The following DMD variants were observed in gnomAD, a reference collection of about 807,000 sequenced individuals.
The protein encoded by DMD is dystrophin.
Under a neutral mutation model 330.1 loss-of-function variants are expected in DMD, and 63 were observed. The ratio of observed to expected loss-of-function variants is 0.19; its 90% CI spans 0.16 to 0.24. DMD has a LOEUF of 0.24. Among genes scored for constraint, DMD ranks in the 10% least tolerant of loss-of-function variants. The probability of loss-of-function intolerance (pLI) is 1.00; values close to 1 mark genes in which losing one functional copy is unlikely to be tolerated. For synonymous variants in DMD, 1,223 were observed against 959.8 expected, an observed-to-expected ratio of 1.27 and a Z score of -5.07; for missense variants, 3,344 against 2,684.1, an observed-to-expected ratio of 1.25 and a Z score of -5.43.
chrX:32,415,767 A>C (rs2098163903), intron 29 of DMD, among the ~76,000 whole-genome samples: 1 of 112,558 alleles, frequency 8.9e-6, no homozygotes, highest in African/African-American at 3.2e-5. Context: ...AATGACAAAA[A>C]TATAAAAATA....
chrX:32,560,274 A>T (rs1251708883), intron 16 of DMD, among the ~76,000 whole-genome samples: 1 of 110,408 alleles, frequency 9.1e-6, no homozygotes, highest in African/African-American at 3.3e-5. Context: ...CAGTAATTAC[A>T]ATTTATGGCG....
intron 62 of DMD, among the ~76,000 whole-genome samples, chrX:31,308,372 A>G (rs2055207997): frequency 8.9e-6 from 1 of 111,880 alleles, no homozygotes; most frequent in Admixed American, 9.5e-5. Flanking sequence ...TTTATAGTTT[A>G]TAGCATAATC....
intron 44 of DMD, among the ~76,000 whole-genome samples, chrX:32,090,680 C>G (rs377267497): frequency 5.5e-4 from 62 of 111,875 alleles, no homozygotes; most frequent in African/African-American, 1.9e-3. Context: ...CCCTCACACA[C>G]TCAGGTATCC....
chrX:32,855,344 C>G lies in DMD; in HGVS notation c.94-5524G>C, dbSNP rs76272866. On this transcript the variant is annotated intron_variant, in intron 2 of 78. Transcript: ENST00000357033. Reference sequence around the variant, plus strand: ...GATCAAAGAAAGAAACAAAGGGCATCCAGATTGAAAAGGAAGAATCAAATG... The same window carrying G: ...GATCAAAGAAAGAAACAAAGGGCATGCAGATTGAAAAGGAAGAATCAAATG... Among the ~76,000 whole-genome samples the G allele has an allele frequency of 5.4e-5, 6 of 111,815 alleles. No individual in the cohort carries two copies. In the East Asian group the frequency reaches 1.4e-3, roughly 26 times the overall value.
intron 2 of DMD, among the ~76,000 whole-genome samples, chrX:32,922,677 G>C (rs982363490): frequency 8.9e-6 from 1 of 112,449 alleles, no homozygotes; most frequent in Non-Finnish European, 1.9e-5. Flanking sequence ...GCTCAGGCTT[G>C]CCCGGGGCTC....
intron 52 of DMD, among the ~76,000 whole-genome samples, chrX:31,688,754 C>G (rs1230630091): frequency 9.0e-6 from 1 of 111,242 alleles, no homozygotes; most frequent in African/African-American, 3.3e-5. Flanking sequence ...AGCAGCACAT[C>G]AAAAAGCTTA....
At chrX:32,473,644 A>G (rs745784892) in intron 21 of DMD, among the ~76,000 whole-genome samples, 24 of 111,376 alleles carry the variant, frequency 2.2e-4, no homozygotes, top group African/African-American at 7.8e-4. Flanking sequence ...TTGGCAATGG[A>G]TGCTGAAATG....
intron 1 of DMD, among the ~76,000 whole-genome samples, chrX:33,026,074 G>C (rs768701565): frequency 2.7e-5 from 3 of 109,623 alleles, no homozygotes; most frequent in African/African-American, 1.0e-4. Flanking sequence ...AGTGGCTCAC[G>C]CCTGTAATCC....
At chrX:31,258,351 C>T (rs980857560) in intron 63 of DMD, among the ~76,000 whole-genome samples, 2 of 112,281 alleles carry the variant, frequency 1.8e-5, no homozygotes, top group Non-Finnish European at 3.8e-5. Flanking sequence ...ATACAATAGG[C>T]CCGCAATAAA....
At chrX:31,446,759 TG>T (rs1352783323) in intron 59 of DMD, among the ~76,000 whole-genome samples, 1 of 112,216 alleles carries the variant, frequency 8.9e-6, no homozygotes, top group Non-Finnish European at 1.9e-5. Flanking sequence ...TAAATGTCAA[TG>T]GGGGAAACTT....
intron 1 of DMD, among the ~76,000 whole-genome samples, chrX:33,277,532 A>T (rs902865912): frequency 6.3e-5 from 7 of 110,979 alleles, no homozygotes; most frequent in Non-Finnish European, 1.3e-4. Context: ...CCACAAGCAG[A>T]CACGTCCTTA....
At chrX:31,873,892 T>C (rs1469015687) in intron 48 of DMD, among the ~76,000 whole-genome samples, 1 of 111,670 alleles carries the variant, frequency 9.0e-6, no homozygotes, top group East Asian at 2.8e-4. Flanking sequence ...TCTTTATTCA[T>C]TGACTTAAAA....
At chrX:31,182,975 G>T in intron 67 of DMD, 71 bp from the exon 68 acceptor site, 1 of 876,326 alleles carries the variant, frequency 1.1e-6, no homozygotes, top group Non-Finnish European at 1.6e-6. Flanking sequence ...GGCAAAGGAG[G>T]TGTATATCAG....
At chrX:32,255,491 C>T (rs2097294769) in intron 43 of DMD, among the ~76,000 whole-genome samples, 2 of 110,663 alleles carry the variant, frequency 1.8e-5, no homozygotes, top group South Asian at 7.5e-4. Context: ...CCATATGGCC[C>T]GCAAAGCCTA....
At chrX:31,445,545 T>C (rs1312566210) in intron 59 of DMD, among the ~76,000 whole-genome samples, 2 of 112,189 alleles carry the variant, frequency 1.8e-5, no homozygotes, top group Non-Finnish European at 3.8e-5. Context: ...TAGAAAGATA[T>C]ATTCAGTCAT....
chrX:31,725,134 C>T (rs1026970896), intron 52 of DMD, among the ~76,000 whole-genome samples: 1 of 111,458 alleles, frequency 9.0e-6, no homozygotes, highest in Non-Finnish European at 1.9e-5. Flanking sequence ...TAGACGTGGG[C>T]TTGAATTCTA....
At chrX:32,620,466 A>T (rs745396263) in intron 11 of DMD, among the ~76,000 whole-genome samples, 1 of 112,558 alleles carries the variant, frequency 8.9e-6, no homozygotes, top group East Asian at 2.8e-4. Context: ...ATTGACTTTT[A>T]ACATTTTAGA....
intron 60 of DMD, among the ~76,000 whole-genome samples, chrX:31,393,274 G>A (rs952008952): frequency 1.8e-5 from 2 of 110,479 alleles, no homozygotes; most frequent in African/African-American, 3.3e-5. Context: ...TCAGGAGTTC[G>A]AGACCAGCCT....
chrX:33,321,155 T>A (rs2054009288), intron 1 of DMD, among the ~76,000 whole-genome samples: 2 of 111,805 alleles, frequency 1.8e-5, no homozygotes, highest in Non-Finnish European at 3.8e-5. Flanking sequence ...ATCATGAATG[T>A]TATTAATGGC....
Sources: gnomAD v4.1 joint callset for allele counts (sites outside exome capture counted in the v4.1 genomes callset) on GRCh38, gnomAD v4.1.1 for gene constraint, MANE v1.5 for transcripts, NCBI Gene and HGNC (gene_info 2026-07-23, HGNC 2026-07-21) for gene names.